Variants in POU1F1 observed in about 807,000 individuals in gnomAD.
The protein encoded by POU1F1 is POU class 1 homeobox 1.
POU1F1 carries 23 observed loss-of-function variants against 32.3 expected under a neutral mutation model. The ratio of observed to expected loss-of-function variants is 0.71; its 90% CI spans 0.51 to 1.01. The LOEUF (loss-of-function observed/expected upper bound fraction) is 1.01, where lower values mean the gene tolerates loss of function less well. POU1F1 is among the 50% of genes least tolerant of loss of function. POU1F1 has a pLI of 0.00. For synonymous variants in POU1F1, 120 were observed against 115.6 expected, an observed-to-expected ratio of 1.04 and a Z score of -0.25; for missense variants, 323 against 341.6, an observed-to-expected ratio of 0.95 and a Z score of 0.43.
chr3:87,271,404 T>C (rs1302291093), intron 2 of POU1F1, among the ~76,000 whole-genome samples: 1 of 152,162 alleles, frequency 6.6e-6, no homozygotes, highest in Non-Finnish European at 1.5e-5. Flanking sequence ...CTGAAGGTAT[T>C]TGGGCCAGAG....
In POU1F1 at chr3:87,264,443, T is replaced by A; in HGVS notation, c.284A>T (p.Gln95Leu). The change falls in exon 3 of 6, where the codon CAG becomes CTG. Residue 95 changes from glutamine to leucine, a missense_variant. Transcript: ENST00000350375. Reference sequence around the variant, plus strand: ...TGTGGGGTCCTCTGCCAGAAGAGGCTGGTGTATAGGAGGAAATCCATGACT... The same window carrying A: ...TGTGGGGTCCTCTGCCAGAAGAGGCAGGTGTATAGGAGGAAATCCATGACT... ...TLSHGFPPIHQPLLAEDPTAA... is the reference protein window; with the variant it reads ...TLSHGFPPIHLPLLAEDPTAA... The A allele has an allele frequency of 6.2e-7, 1 of 1,613,652 alleles. No homozygotes were observed. Among genetic ancestry groups the A allele is most frequent in the Non-Finnish European group, 8.5e-7 (1 of 1,179,622 alleles).
chr3:87,268,279 AT>A (rs1008787832), intron 2 of POU1F1, among the ~76,000 whole-genome samples: 2 of 151,350 alleles, frequency 1.3e-5, no homozygotes, highest in Non-Finnish European at 2.9e-5. Context: ...TTTATTTATA[AT>A]TTTTTATTTA....
Position 87,275,974 on chromosome 3 carries a change from A to AT in POU1F1, c.142+346dup, listed in dbSNP as rs527522314. The stretch of plus-strand genomic sequence containing the variant: ...GAAGTAGCACCTTTTAAATATTGTT[A>AT]TTTTATAATATTCATTTCATTTGCT... On this transcript the variant is annotated intron_variant, in intron 1 of 5. Coordinates refer to ENST00000350375, the MANE Select transcript of POU1F1 (RefSeq NM_000306.4). Among the ~76,000 whole-genome samples, 4 of 152,196 alleles carry AT rather than the reference A, an allele frequency of 2.6e-5. No individual in the cohort carries two copies. In the South Asian group the frequency reaches 8.3e-4, roughly 31 times the overall value.
chr3:87,267,350 C>A (rs1449092968), intron 2 of POU1F1, among the ~76,000 whole-genome samples: 1 of 152,140 alleles, frequency 6.6e-6, no homozygotes. Context: ...CAGTGCCCAA[C>A]GAATTAACTT....
At chr3:87,275,763 A>G (rs181417421) in intron 1 of POU1F1, among the ~76,000 whole-genome samples, 280 of 152,224 alleles carry the variant, frequency 1.8e-3, no homozygotes, top group Middle Eastern at 6.8e-3. Context: ...TGGGCTTTAA[A>G]TGTCATGTTA....
In POU1F1 at chr3:87,259,881, C is replaced by A; in HGVS notation, c.*13G>T. Reference sequence around the variant, plus strand: ...GAAACGGGAGAAAAAGGCTATTATACAATAGAAAAATCTTATCTGCACTCA... The same window carrying A: ...GAAACGGGAGAAAAAGGCTATTATAAAATAGAAAAATCTTATCTGCACTCA... On this transcript the variant is annotated 3_prime_UTR_variant, in exon 6 of 6. Coordinates refer to ENST00000350375, the MANE Select transcript of POU1F1 (RefSeq NM_000306.4). 4 of 1,603,062 alleles carry A rather than the reference C, an allele frequency of 2.5e-6. No homozygotes were observed. The highest frequency in any genetic ancestry group is 1.7e-6 in the Non-Finnish European group (2 of 1,170,190).
At chr3:87,262,266 C>T in intron 3 of POU1F1, 31 bp from the exon 4 acceptor site, 1 of 1,612,922 alleles carries the variant, frequency 6.2e-7, no homozygotes, top group South Asian at 1.1e-5. Context: ...CCATCAGCTC[C>T]AACTTTCCAG....
At chr3:87,265,120 G>A (rs1575978357) in intron 2 of POU1F1, among the ~76,000 whole-genome samples, 2 of 151,994 alleles carry the variant, frequency 1.3e-5, no homozygotes, top group Middle Eastern at 3.4e-3. Flanking sequence ...AGAATATAAA[G>A]TATATTAATA....
chr3:87,268,096 T>C (rs1272566629), intron 2 of POU1F1, among the ~76,000 whole-genome samples: 1 of 146,408 alleles, frequency 6.8e-6, no homozygotes, highest in Non-Finnish European at 1.5e-5. Flanking sequence ...TTTTTTTTTT[T>C]TTTTTTTTTG....
At position 87,260,039 on chromosome 3, in the gene POU1F1, A is replaced by G. The variant is rs752024682; in HGVS notation, c.731T>C (p.Ile244Thr). Residue 244 changes from isoleucine (I) to threonine (T), a missense_variant, in exon 6 of 6, where the codon ATC (isoleucine) becomes ACC (threonine). Ile to Thr is a moderately conservative substitution (Grantham distance 89). Coordinates refer to ENST00000350375, the MANE Select transcript of POU1F1 (RefSeq NM_000306.4). Reference protein sequence around the residue: ...GEQNKPSSQEIMRMAEELNLE... With the variant: ...GEQNKPSSQETMRMAEELNLE... ...ATTCAGTTCTTCAGCCATCCTCATG[A>G]TCTCTTGAGAAGAAGGTTTATTCTG... 9 of 1,614,018 alleles carry G rather than the reference A, an allele frequency of 5.6e-6. No homozygotes were observed. The highest frequency in any genetic ancestry group is 3.3e-4 in the Middle Eastern group (2 of 6,062).
intron 4 of POU1F1, 51 bp from the exon 5 acceptor site, chr3:87,261,384 A>T: frequency 1.5e-6 from 2 of 1,356,732 alleles, no homozygotes; most frequent in Non-Finnish European, 2.1e-6. Flanking sequence ...GACTTTTTAT[A>T]AAAAACGATC....
At chr3:87,263,547 G>A (rs1370245356) in intron 3 of POU1F1, among the ~76,000 whole-genome samples, 1 of 152,062 alleles carries the variant, frequency 6.6e-6, no homozygotes, top group Admixed American at 6.6e-5. Flanking sequence ...AACTTCTCTA[G>A]AGACCAGTTT....
intron 2 of POU1F1, among the ~76,000 whole-genome samples, chr3:87,272,540 A>G (rs1395849053): frequency 6.6e-6 from 1 of 152,208 alleles, no homozygotes; most frequent in Non-Finnish European, 1.5e-5. Flanking sequence ...CCATGAAATT[A>G]AACAAGAATT....
chr3:87,272,169 T>G (rs1030457139), intron 2 of POU1F1, among the ~76,000 whole-genome samples: 3 of 151,900 alleles, frequency 2.0e-5, no homozygotes, highest in African/African-American at 7.3e-5. Context: ...TATCCACAGT[T>G]TTTCCCTCAG....
chr3:87,275,861 A>C (rs1706816305), intron 1 of POU1F1, among the ~76,000 whole-genome samples: 1 of 152,136 alleles, frequency 6.6e-6, no homozygotes, highest in South Asian at 2.1e-4. Flanking sequence ...GTTGATATTC[A>C]GATTGTTCTG....
chr3:87,264,998 T>A (rs1490201609), intron 2 of POU1F1, among the ~76,000 whole-genome samples: 1 of 152,074 alleles, frequency 6.6e-6, no homozygotes, highest in African/African-American at 2.4e-5. Flanking sequence ...GATTGGGAAA[T>A]TGATTTCACA....
chr3:87,273,585 T>C (rs1575983034), intron 1 of POU1F1, 167 bp from the exon 2 acceptor site: 4 of 1,320,244 alleles, frequency 3.0e-6, no homozygotes, highest in East Asian at 5.1e-5. Context: ...CATGCCAATA[T>C]GTTTTTCTCA....
intron 2 of POU1F1, among the ~76,000 whole-genome samples, chr3:87,271,786 A>G (rs889449475): frequency 6.6e-6 from 1 of 152,156 alleles, no homozygotes; most frequent in African/African-American, 2.4e-5. Context: ...AAGAAAAAAT[A>G]TGGCTTTAAT....
intron 2 of POU1F1, 146 bp downstream of exon 2, chr3:87,273,201 A>C: frequency 1.1e-6 from 1 of 885,938 alleles, no homozygotes; most frequent in Non-Finnish European, 1.8e-6. Flanking sequence ...ACAGAGCAGG[A>C]AACAAGAAGT....
Sources: gnomAD v4.1 joint callset for allele counts (sites outside exome capture counted in the v4.1 genomes callset) on GRCh38, gnomAD v4.1.1 for gene constraint, MANE v1.5 for transcripts, NCBI Gene and HGNC (gene_info 2026-07-23, HGNC 2026-07-21) for gene names.